The following KIF6 variants were observed in gnomAD, a reference collection of about 807,000 sequenced individuals.
KIF6 encodes kinesin-like protein KIF6.
A neutral mutation model predicts 112.7 loss-of-function variants in KIF6; 106 were observed. The observed-to-expected ratio is 0.94, with a 90% confidence interval of 0.80 to 1.11. The LOEUF (loss-of-function observed/expected upper bound fraction) is 1.11, where lower values mean the gene tolerates loss of function less well. Ranked by LOEUF, KIF6 falls within the 50% of genes least tolerant of loss-of-function variation. The pLI is 0.00. For missense variants in KIF6, 929 were observed against 964.0 expected (o/e 0.96, Z 0.48); for synonymous variants, 339 against 339.9 (o/e 1.00, Z 0.03).
At chr6:39,389,736 A>G (rs1446465447) in intron 15 of KIF6, among the ~76,000 whole-genome samples, 1 of 152,178 alleles carries the variant, frequency 6.6e-6, no homozygotes, top group African/African-American at 2.4e-5. Context: ...TCTAGAAAAT[A>G]ATTACAAATC....
intron 16 of KIF6, among the ~76,000 whole-genome samples, chr6:39,376,003 G>T (rs1348331734): frequency 6.6e-6 from 1 of 152,168 alleles, no homozygotes; most frequent in African/African-American, 2.4e-5. Context: ...GAAATGGTGT[G>T]CAGGCTCCTC....
intron 13 of KIF6, among the ~76,000 whole-genome samples, chr6:39,522,151 G>A: frequency 6.6e-6 from 1 of 152,150 alleles, no homozygotes; most frequent in East Asian, 1.9e-4. Context: ...CTTCTCTGGA[G>A]CCCTATCAAG....
chr6:39,679,350 C>G (rs1225884498), intron 3 of KIF6, among the ~76,000 whole-genome samples: 1 of 152,170 alleles, frequency 6.6e-6, no homozygotes, highest in Non-Finnish European at 1.5e-5. Context: ...ATTATCCTCA[C>G]TGATGCTTAC....
intron 6 of KIF6, among the ~76,000 whole-genome samples, chr6:39,612,771 G>A (rs1375564281): frequency 6.6e-6 from 1 of 152,128 alleles, no homozygotes; most frequent in African/African-American, 2.4e-5. Context: ...CCAACATATG[G>A]ATGATTTCAG....
chr6:39,543,436 C>G (rs1376150116), intron 12 of KIF6, among the ~76,000 whole-genome samples: 1 of 152,108 alleles, frequency 6.6e-6, no homozygotes, highest in African/African-American at 2.4e-5. Context: ...AGCTAAAACT[C>G]ACTTGAATCT....
At chr6:39,613,140 C>A in intron 6 of KIF6, 49 bp downstream of exon 6, 1 of 1,399,118 alleles carries the variant, frequency 7.1e-7, no homozygotes, top group Non-Finnish European at 9.4e-7. Context: ...GCTTCAGATA[C>A]TGTATCTTAT....
At position 39,342,603 on chromosome 6, in the gene KIF6, T is replaced by G; in HGVS notation, c.2428+1106A>C. Among the ~76,000 whole-genome samples, 2 of 108,684 alleles carry G rather than the reference T, an allele frequency of 1.8e-5. 1 individual carries two copies. The highest frequency in any genetic ancestry group is 1.1e-4 in the African/African-American group (2 of 17,854). 71.3% of individuals were successfully genotyped at this position (108,684 alleles called of 152,430 possible). A position where few individuals can be genotyped will look rare whatever the true frequency, so the allele number is the denominator to read the frequency against. On this transcript the variant is annotated intron_variant, in intron 22 of 22. Transcript: ENST00000287152. This position sits in a 1 kb window ranked among gnomAD's most constrained non-coding sequence, Gnocchi z 4.7. The stretch of plus-strand genomic sequence containing the variant: ...GAGATCACTGAATCCAGTTTTTTAT[T>G]TTTTTTTATTTTTTTTTATTTTTTT...
intron 15 of KIF6, among the ~76,000 whole-genome samples, chr6:39,417,247 G>T (rs1268564523): frequency 2.0e-5 from 3 of 152,158 alleles, no homozygotes; most frequent in Non-Finnish European, 4.4e-5. Context: ...ACCGTGAGGG[G>T]GTATTCAGTA....
Position 39,613,312 on chromosome 6 carries a change from C to T in KIF6, c.516G>A (p.Val172=). 1 of 1,582,520 alleles carries T rather than the reference C, an allele frequency of 6.3e-7. No individual in the cohort carries two copies. The highest frequency in any genetic ancestry group is 8.6e-7 in the Non-Finnish European group (1 of 1,167,582). ...TCTGATCAGGATCCTCCAGTATTGTCACTTTCCTAAGCAAATGGGAAGCAA... is the reference window on the plus strand; with the variant it reads ...TCTGATCAGGATCCTCCAGTATTGTTACTTTCCTAAGCAAATGGGAAGCAA... The part of the protein sequence containing the change: ...EASSLEDLPK[V]TILEDPDQNI... The change falls in exon 6 of 23, where the codon GTG becomes GTA. Residue 172 remains valine, a synonymous_variant. Transcript: ENST00000287152.
chr6:39,706,763 A>T (rs1164346147), intron 3 of KIF6, among the ~76,000 whole-genome samples: 1 of 152,216 alleles, frequency 6.6e-6, no homozygotes, highest in Non-Finnish European at 1.5e-5. Flanking sequence ...TTCAGTGGTG[A>T]ATAACGTTTC....
chr6:39,703,190 G>A (rs1411374685), intron 3 of KIF6, among the ~76,000 whole-genome samples: 2 of 150,002 alleles, frequency 1.3e-5, no homozygotes, highest in Admixed American at 1.3e-4. Context: ...GGTAAAATGG[G>A]ATGAAGACTG....
At position 39,587,454 on chromosome 6, in the gene KIF6, C is replaced by T. The variant is rs115646536; in HGVS notation, c.847-1050G>A. 7.5e-4 allele frequency among the ~76,000 whole-genome samples: 114 copies of T among 152,240 alleles called. No individual in the cohort carries two copies. In the Middle Eastern group the frequency reaches 0.01, roughly 14 times the overall value. ...TTTTAAGCAACATATGTAACTATAC[C>T]ACTAGTCTCATTCTAAATTCATGAC... is the stretch of plus-strand genomic sequence containing the variant. On this transcript the variant is annotated intron_variant, in intron 7 of 22. Transcript: ENST00000287152.
chr6:39,431,033 G>GGTC lies in KIF6; in HGVS notation c.1754+19_1754+20insGAC. Reference sequence around the variant, plus strand: ...CTGGCTGAGCCTCGGAGGACCAGCTGCTCTCTGAGACAGCCTTACCTCTGT... The same window carrying GGTC: ...CTGGCTGAGCCTCGGAGGACCAGCTGGTCCTCTCTGAGACAGCCTTACCTCTGT... On this transcript the variant is annotated intron_variant, in intron 14 of 22. Coordinates refer to ENST00000287152, the MANE Select transcript of KIF6 (RefSeq NM_145027.6). 2 of 1,516,678 alleles carry GGTC rather than the reference G, an allele frequency of 1.3e-6. No homozygotes were observed. The highest frequency in any genetic ancestry group is 1.8e-6 in the Non-Finnish European group (2 of 1,094,304). The allele number at this position is 1,516,678 out of a possible 1,614,324, so 94.0% of individuals were successfully genotyped here.
chr6:39,671,681 G>A (rs1306386812), intron 3 of KIF6, among the ~76,000 whole-genome samples: 1 of 152,188 alleles, frequency 6.6e-6, no homozygotes, highest in Middle Eastern at 3.2e-3. Context: ...CCACATCTTT[G>A]TTTTGTTTTT....
At chr6:39,609,480 C>T (rs944001258) in intron 6 of KIF6, among the ~76,000 whole-genome samples, 1 of 144,680 alleles carries the variant, frequency 6.9e-6, no homozygotes, top group Non-Finnish European at 1.5e-5. Context: ...TCACTTCCTA[C>T]AGCTGCCAGT....
intron 21 of KIF6, among the ~76,000 whole-genome samples, chr6:39,344,147 C>T (rs1763531877): frequency 6.6e-6 from 1 of 152,156 alleles, no homozygotes; most frequent in Non-Finnish European, 1.5e-5. Context: ...GGACGGTTTC[C>T]TCCATACTGT....
intron 14 of KIF6, among the ~76,000 whole-genome samples, chr6:39,430,835 C>T (rs1299879866): frequency 6.6e-6 from 1 of 152,094 alleles, no homozygotes; most frequent in East Asian, 1.9e-4. Flanking sequence ...CAGACCCTGC[C>T]CTAAAGTTGC....
At chr6:39,394,907 G>T (rs558315190) in intron 15 of KIF6, among the ~76,000 whole-genome samples, 1 of 152,302 alleles carries the variant, frequency 6.6e-6, no homozygotes, top group East Asian at 1.9e-4. Flanking sequence ...ATTTCCCCCC[G>T]TGGGGATTTT....
chr6:39,515,860 T>C (rs1428474245), intron 13 of KIF6, among the ~76,000 whole-genome samples: 1 of 152,236 alleles, frequency 6.6e-6, no homozygotes, highest in Non-Finnish European at 1.5e-5. Flanking sequence ...TTATGCGTTA[T>C]TAAAATCACT....
Sources: allele counts gnomAD v4.1 joint callset (sites outside exome capture counted in the v4.1 genomes callset), GRCh38; gene constraint gnomAD v4.1.1; non-coding constraint Gnocchi (gnomAD v3.1); transcripts MANE v1.5; gene names NCBI Gene and HGNC (gene_info 2026-07-23, HGNC 2026-07-21).